DAP3: variants seen among roughly 807,000 people sequenced by gnomAD.
The protein encoded by DAP3 is death associated protein 3.
DAP3 carries 28 observed loss-of-function variants against 51.9 expected under a neutral mutation model. That is an observed-to-expected ratio of 0.54 (90% CI 0.40 to 0.74). The LOEUF (loss-of-function observed/expected upper bound fraction) is 0.74, where lower values mean the gene tolerates loss of function less well. Ranked by LOEUF, DAP3 falls within the 30% of genes least tolerant of loss-of-function variation. The pLI, the probability that DAP3 is intolerant of heterozygous loss-of-function variation, is 0.00. For synonymous variants in DAP3, 170 were observed against 170.3 expected, an observed-to-expected ratio of 1.00 and a Z score of 0.01; for missense variants, 458 against 483.5, an observed-to-expected ratio of 0.95 and a Z score of 0.49.
intron 9 of DAP3, among the ~76,000 whole-genome samples, 189 bp from the exon 10 acceptor site, chr1:155,731,167 T>C (rs1659199680): frequency 6.6e-6 from 1 of 151,648 alleles, no homozygotes; most frequent in Non-Finnish European, 1.5e-5. Flanking sequence ...CTCAGGAGGC[T>C]GAGGCAGGAG....
upstream of DAP3, chr1:155,688,060 G>A: frequency 1.3e-6 from 2 of 1,568,262 alleles, no homozygotes; most frequent in South Asian, 1.2e-5. Flanking sequence ...GGCCCAAATC[G>A]TTCTACTCAC....
At position 155,729,280 on chromosome 1, in the gene DAP3, T is replaced by A; in HGVS notation, c.757T>A (p.Leu253Met). The A allele has an allele frequency of 6.2e-7, 1 of 1,614,074 alleles. No individual in the cohort carries two copies. Among genetic ancestry groups the A allele is most frequent in the African/African-American group, 1.3e-5 (1 of 74,996 alleles). ...GAAAGAGCTAAAGAGGCAAAGTTCTTTGGGTATGTTTCACCTCCTAGTGGC... is the reference window on the plus strand; with the variant it reads ...GAAAGAGCTAAAGAGGCAAAGTTCTATGGGTATGTTTCACCTCCTAGTGGC... ...VLKELKRQSSLGMFHLLVAVD... is the reference protein window; with the variant it reads ...VLKELKRQSSMGMFHLLVAVD... The change falls in exon 9 of 13, where the codon TTG becomes ATG. Residue 253 changes from leucine (L) to methionine (M), a missense_variant. Physicochemically the swap from Leu to Met is conservative, Grantham distance 15. Transcript: ENST00000368336.
In DAP3 at chr1:155,709,759, T is replaced by C. The variant is rs758030216; in HGVS notation, c.-7-14T>C. 2 of 1,604,838 alleles carry C rather than the reference T, an allele frequency of 1.2e-6. No homozygotes were observed. Among genetic ancestry groups the C allele is most frequent in the Non-Finnish European group, 1.7e-6 (2 of 1,177,178 alleles). On this transcript the variant is annotated splice_polypyrimidine_tract_variant and intron_variant, in intron 1 of 12. Coordinates refer to ENST00000368336, the MANE Select transcript of DAP3 (RefSeq NM_004632.4). ...TTGTGGTTTACCTTTTCACTTTTTT[T>C]TTTTTTGTAACAGTGCAAGGATGAT...
chr1:155,736,425 T>TG (rs1659803502), intron 11 of DAP3, among the ~76,000 whole-genome samples: 3 of 152,204 alleles, frequency 2.0e-5, no homozygotes, highest in Admixed American at 6.5e-5. Context: ...TGCCTTTTTT[T>TG]TTGTGTGTGT....
Position 155,729,211 on chromosome 1 carries a change from A to T in DAP3, c.688A>T (p.Ile230Leu). 6.2e-7 allele frequency: 1 copy of T among 1,614,254 alleles called. No homozygotes were observed. The highest frequency in any genetic ancestry group is 8.5e-7 in the Non-Finnish European group (1 of 1,180,044). ...SPLGEVVEQG[I>L]TRVRNATDAV... ...AATCCACTGTCTCTCCCAATAGGGC[A>T]TAACACGGGTGAGGAACGCCACAGA... Residue 230 changes from isoleucine to leucine, a missense_variant, in exon 9 of 13, where the codon ATA (isoleucine) becomes TTA (leucine). Coordinates refer to ENST00000368336, the MANE Select transcript of DAP3 (RefSeq NM_004632.4).
In DAP3 at chr1:155,714,955, C is replaced by T. The variant is rs1657153155; in HGVS notation, c.46-2051C>T. On this transcript the variant is annotated intron_variant, in intron 2 of 12. Coordinates refer to ENST00000368336, the MANE Select transcript of DAP3 (RefSeq NM_004632.4). ...CGGTGGCTCACGCCTGTAATCCCAG[C>T]ACTTTGGGAGCCTGGGGTGGGAGGA... 2.0e-5 allele frequency among the ~76,000 whole-genome samples: 3 copies of T among 152,148 alleles called. No homozygotes were observed. The South Asian group carries it at 6.2e-4, about 31-fold the overall frequency.
At chr1:155,688,834 T>G, upstream of DAP3, 2 of 1,582,236 alleles carry the variant, frequency 1.3e-6, no homozygotes, top group South Asian at 1.1e-5. Context: ...TCCTGGCGGC[T>G]GCAGGGGCAG....
At chr1:155,724,300 A>G (rs1658323898) in intron 4 of DAP3, among the ~76,000 whole-genome samples, 1 of 152,146 alleles carries the variant, frequency 6.6e-6, no homozygotes, top group Non-Finnish European at 1.5e-5. Flanking sequence ...GCCGCCATGT[A>G]TTTAGTTCTA....
intron 1 of DAP3, among the ~76,000 whole-genome samples, chr1:155,691,716 C>T (rs939962217): frequency 2.1e-5 from 3 of 141,980 alleles, no homozygotes; most frequent in Non-Finnish European, 4.4e-5. Flanking sequence ...ATATAAGAAT[C>T]CTAGTTTTTC....
chr1:155,727,467 T>G, intron 6 of DAP3, 141 bp from the exon 7 acceptor site: 2 of 627,000 alleles, frequency 3.2e-6, no homozygotes, highest in Admixed American at 1.1e-4. Flanking sequence ...AGACCCTGTC[T>G]CAAAAAAAAA....
At position 155,725,365 on chromosome 1, in the gene DAP3, C is replaced by A; in HGVS notation, c.271-17C>A. On this transcript the variant is annotated splice_polypyrimidine_tract_variant and intron_variant, in intron 4 of 12. Coordinates refer to ENST00000368336, the MANE Select transcript of DAP3 (RefSeq NM_004632.4). ...TTCCACACCCACCCACTCTTTCCTT[C>A]TTTCCTACTTTATCAGGTGAAGACA... is the stretch of plus-strand genomic sequence containing the variant. 1 of 1,609,190 alleles carries A rather than the reference C, an allele frequency of 6.2e-7. No homozygotes were observed. Among genetic ancestry groups the A allele is most frequent in the Non-Finnish European group, 8.5e-7 (1 of 1,175,704 alleles).
chr1:155,688,440 C>A, upstream of DAP3: 1 of 1,548,412 alleles, frequency 6.5e-7, no homozygotes, highest in Non-Finnish European at 8.7e-7. Flanking sequence ...CCCCACGGTC[C>A]CCCGCTTCGC....
At chr1:155,699,232 C>T (rs375238124) in intron 1 of DAP3, among the ~76,000 whole-genome samples, 66 of 152,288 alleles carry the variant, frequency 4.3e-4, no homozygotes, top group Non-Finnish European at 7.1e-4. Flanking sequence ...GTAGCAGAGG[C>T]GGTTTAAGTG....
At position 155,717,012 on chromosome 1, in the gene DAP3, C is replaced by T; in HGVS notation, c.52C>T (p.Pro18Ser). ...GAAATGGTTTCTCTTATAGTTGGAC[C>T]CTGGGCGTTTTTTACACATGGGGAC... ...RLISRIHKLDPGRFLHMGTQA... is the reference protein window; with the variant it reads ...RLISRIHKLDSGRFLHMGTQA... Residue 18 changes from proline (P) to serine (S), a missense_variant, in exon 3 of 13, where the codon CCT (proline) becomes TCT (serine). Coordinates refer to ENST00000368336, the MANE Select transcript of DAP3 (RefSeq NM_004632.4). 1 of 1,613,724 alleles carries T rather than the reference C, an allele frequency of 6.2e-7. No individual in the cohort carries two copies. The highest frequency in any genetic ancestry group is 8.5e-7 in the Non-Finnish European group (1 of 1,179,942).
chr1:155,719,294 G>C (rs190207330), intron 3 of DAP3, among the ~76,000 whole-genome samples: 1 of 150,770 alleles, frequency 6.6e-6, no homozygotes, highest in Admixed American at 6.6e-5. Context: ...GGAGTGCAAT[G>C]GCGCAGTCTC....
At chr1:155,720,659 C>A (rs556389442) in intron 3 of DAP3, among the ~76,000 whole-genome samples, 56 of 150,648 alleles carry the variant, frequency 3.7e-4, no homozygotes, top group African/African-American at 1.2e-3. Context: ...AAAAAAAAAA[C>A]AAAACAAACA....
chr1:155,695,830 C>T (rs188210818), intron 1 of DAP3, among the ~76,000 whole-genome samples: 1 of 152,282 alleles, frequency 6.6e-6, no homozygotes, highest in East Asian at 1.9e-4. Flanking sequence ...ATGCCGCTTT[C>T]CCAGTACTGG....
At chr1:155,696,848 C>G (rs145378793) in intron 1 of DAP3, among the ~76,000 whole-genome samples, 7 of 152,292 alleles carry the variant, frequency 4.6e-5, no homozygotes, top group Non-Finnish European at 1.0e-4. Flanking sequence ...TTTTCAAAAT[C>G]TGTCTCTGCC....
At chr1:155,714,469 A>G (rs776873012) in intron 2 of DAP3, among the ~76,000 whole-genome samples, 3 of 152,200 alleles carry the variant, frequency 2.0e-5, no homozygotes, top group Non-Finnish European at 4.4e-5. Flanking sequence ...ATACAAGTTA[A>G]AATGTTATGT....
Sources: allele counts gnomAD v4.1 joint callset (sites outside exome capture counted in the v4.1 genomes callset), GRCh38; gene constraint gnomAD v4.1.1; transcripts MANE v1.5; gene names NCBI Gene and HGNC (gene_info 2026-07-23, HGNC 2026-07-21).